Variants in HYCC2 observed in about 807,000 individuals in gnomAD.
HYCC2 encodes the protein hyccin 2.
At chr2:201,008,257 G>A in the HYCC2 span, among the ~76,000 whole-genome samples, 2 of 152,144 alleles carry the variant, frequency 1.3e-5, no homozygotes, top group Non-Finnish European at 2.9e-5. Context: ...AACTGTCTGA[G>A]GGAAAAATTT....
chr2:201,035,102 G>T, the HYCC2 span, among the ~76,000 whole-genome samples: 3 of 152,274 alleles, frequency 2.0e-5, no homozygotes, highest in East Asian at 1.9e-4. Flanking sequence ...CTCTTGAGGA[G>T]TATCTTTGTG....
At chr2:201,049,399 G>A in the HYCC2 span, among the ~76,000 whole-genome samples, 1 of 151,996 alleles carries the variant, frequency 6.6e-6, no homozygotes, top group East Asian at 1.9e-4. Context: ...GCCCAGGCTG[G>A]AGTGCACTGG....
the HYCC2 span, among the ~76,000 whole-genome samples, chr2:201,049,777 C>T: frequency 6.6e-6 from 1 of 152,094 alleles, no homozygotes; most frequent in East Asian, 1.9e-4. Context: ...AGCTACAAAT[C>T]ATTAACAACA....
the HYCC2 span, among the ~76,000 whole-genome samples, chr2:201,056,435 G>C: frequency 1.3e-5 from 2 of 152,148 alleles, no homozygotes; most frequent in African/African-American, 4.8e-5. Flanking sequence ...AGCACTTTGC[G>C]AGGCTGAGGC....
the HYCC2 span, among the ~76,000 whole-genome samples, chr2:200,995,018 AAAG>A: frequency 2.2e-4 from 34 of 151,942 alleles, no homozygotes; most frequent in Non-Finnish European, 3.4e-4. Context: ...AAAAAAAAAA[AAAG>A]AAAGAAAAAA....
At chr2:201,053,921 A>C in the HYCC2 span, among the ~76,000 whole-genome samples, 1 of 152,154 alleles carries the variant, frequency 6.6e-6, no homozygotes, top group Non-Finnish European at 1.5e-5. Context: ...CTGAGATTGC[A>C]CCACTGTACT....
At chr2:201,000,057 CAAAA>C in the HYCC2 span, among the ~76,000 whole-genome samples, 1 of 34,736 alleles carries the variant, frequency 2.9e-5, no homozygotes, top group Non-Finnish European at 5.5e-5. Context: ...GACTCCGTCT[CAAAA>C]AAAAAAAAAA....
the HYCC2 span, among the ~76,000 whole-genome samples, chr2:201,041,366 C>T: frequency 2.0e-5 from 3 of 152,342 alleles, no homozygotes; most frequent in East Asian, 5.8e-4. Context: ...ACTCTCCCCA[C>T]AGCTTTCTAT....
At chr2:200,983,236 T>A in the HYCC2 span, among the ~76,000 whole-genome samples, 9 of 152,332 alleles carry the variant, frequency 5.9e-5, no homozygotes, top group Admixed American at 2.0e-4. Flanking sequence ...TTAAATACAT[T>A]TTCCAGACTT....
chr2:201,018,598 T>G, the HYCC2 span, among the ~76,000 whole-genome samples: 1 of 152,138 alleles, frequency 6.6e-6, no homozygotes, highest in Non-Finnish European at 1.5e-5. Context: ...CTTAAAAAAT[T>G]TACATACATA....
chr2:201,039,488 GT>G, the HYCC2 span, among the ~76,000 whole-genome samples: 1 of 152,156 alleles, frequency 6.6e-6, no homozygotes, highest in Non-Finnish European at 1.5e-5. Flanking sequence ...ACAAGTAGAT[GT>G]TGTCCCAGAT....
chr2:201,058,510 G>A, the HYCC2 span, among the ~76,000 whole-genome samples: 1 of 152,184 alleles, frequency 6.6e-6, no homozygotes, highest in African/African-American at 2.4e-5. Flanking sequence ...CAGGAGACCA[G>A]CCTGGCCAAC....
chr2:201,069,571 CA>C, the HYCC2 span, among the ~76,000 whole-genome samples: 1 of 145,612 alleles, frequency 6.9e-6, no homozygotes, highest in Non-Finnish European at 1.5e-5. Context: ...CACACACACA[CA>C]CACACACACA....
the HYCC2 span, among the ~76,000 whole-genome samples, chr2:201,056,784 C>A: frequency 6.6e-6 from 1 of 152,054 alleles, no homozygotes; most frequent in African/African-American, 2.4e-5. Flanking sequence ...ATAAAGCTAC[C>A]AGTAGGCCCT....
At chr2:200,992,933 C>T in the HYCC2 span, 2 of 1,613,848 alleles carry the variant, frequency 1.2e-6, no homozygotes, top group East Asian at 4.5e-5. Flanking sequence ...AATTCAGGAT[C>T]CAATACTATT....
At chr2:201,060,060 G>C in the HYCC2 span, among the ~76,000 whole-genome samples, 363 of 145,272 alleles carry the variant, frequency 2.5e-3, 8 homozygotes, top group African/African-American at 8.2e-3. Flanking sequence ...AAAGCGGGGG[G>C]GGGGGGGTTC....
At chr2:201,034,547 T>G in the HYCC2 span, among the ~76,000 whole-genome samples, 1 of 152,222 alleles carries the variant, frequency 6.6e-6, no homozygotes, top group African/African-American at 2.4e-5. Context: ...TGATGGGTCT[T>G]GACTCTTTAT....
At chr2:201,068,528 C>T in the HYCC2 span, among the ~76,000 whole-genome samples, 1 of 152,126 alleles carries the variant, frequency 6.6e-6, no homozygotes, top group Non-Finnish European at 1.5e-5. Context: ...TACATCTACC[C>T]CCTTCACACT....
chr2:200,986,858 T>A, the HYCC2 span, among the ~76,000 whole-genome samples: 1 of 152,210 alleles, frequency 6.6e-6, no homozygotes, highest in African/African-American at 2.4e-5. Context: ...AATTGTCCAT[T>A]GAACACCATA....
Sources: allele counts gnomAD v4.1 joint callset (sites outside exome capture counted in the v4.1 genomes callset), GRCh38; gene constraint gnomAD v4.1.1; transcripts MANE v1.5; gene names NCBI Gene and HGNC (gene_info 2026-07-23, HGNC 2026-07-21).